Variants in PDE10A observed in about 807,000 individuals in gnomAD.
The protein encoded by PDE10A is phosphodiesterase 10A.
PDE10A carries 39 observed loss-of-function variants against 97.7 expected under a neutral mutation model. That is an observed-to-expected ratio of 0.40 (90% CI 0.31 to 0.52). The LOEUF (loss-of-function observed/expected upper bound fraction) is 0.52. PDE10A is among the 20% of genes least tolerant of loss of function. PDE10A has a pLI of 0.56. For missense variants in PDE10A, 731 were observed against 1,047.8 expected (o/e 0.70, Z 4.17); for synonymous variants, 371 against 376.8 (o/e 0.98, Z 0.18).
intron 1 of PDE10A, among the ~76,000 whole-genome samples, chr6:165,859,226 G>A (rs751541174): frequency 6.6e-6 from 1 of 152,162 alleles, no homozygotes; most frequent in Non-Finnish European, 1.5e-5. Flanking sequence ...CCTCTACCAC[G>A]TGGATTATTT....
At chr6:165,359,324 A>T (rs1404548019) in intron 18 of PDE10A, among the ~76,000 whole-genome samples, 1 of 152,128 alleles carries the variant, frequency 6.6e-6, no homozygotes, top group South Asian at 2.1e-4. Flanking sequence ...TTTATCACAA[A>T]AATGTCCTTA....
chr6:165,452,931 T>C (rs894994373), intron 3 of PDE10A, among the ~76,000 whole-genome samples: 1 of 151,044 alleles, frequency 6.6e-6, no homozygotes, highest in Non-Finnish European at 1.5e-5. Context: ...AGGAAGGGCT[T>C]TACCTTTCTT....
intron 1 of PDE10A, among the ~76,000 whole-genome samples, chr6:165,619,354 G>T (rs1010299197): frequency 7.5e-5 from 11 of 145,696 alleles, no homozygotes; most frequent in Non-Finnish European, 1.5e-5. Context: ...CTAGTGTAGT[G>T]TAGTCTAGTG....
chr6:165,429,503 G>T (rs1789402775), intron 9 of PDE10A, among the ~76,000 whole-genome samples: 2 of 151,946 alleles, frequency 1.3e-5, no homozygotes, highest in African/African-American at 4.8e-5. Flanking sequence ...ACTAATTAAT[G>T]AGCATCAAGA....
At position 165,753,885 on chromosome 6, in the gene PDE10A, T is replaced by C. The variant is rs530859342; in HGVS notation, c.-614-210317A>G. 2.6e-5 allele frequency among the ~76,000 whole-genome samples: 4 copies of C among 152,364 alleles called. No homozygotes were observed. In the East Asian group the frequency reaches 5.8e-4, roughly 22 times the overall value. On this transcript the variant is annotated intron_variant, in intron 1 of 19. Coordinates refer to the PDE10A transcript ENST00000366882. ...TCTTCTACAACCATTTACTTCATTT[T>C]CTTAAATTAGTAAAACTCAAACATG...
chr6:165,957,495 CA>C (rs2128496942), intron 1 of PDE10A, among the ~76,000 whole-genome samples: 1 of 152,096 alleles, frequency 6.6e-6, no homozygotes, highest in Non-Finnish European at 1.5e-5. Context: ...ATACAGAAAA[CA>C]AAAATCCCAA....
At chr6:165,427,042 G>A (rs1349483730) in intron 10 of PDE10A, among the ~76,000 whole-genome samples, 1 of 152,088 alleles carries the variant, frequency 6.6e-6, no homozygotes, top group African/African-American at 2.4e-5. Flanking sequence ...CAACTGCCAT[G>A]GAAAGTTTGG....
chr6:165,580,601 A>G (rs1455380165), intron 1 of PDE10A, among the ~76,000 whole-genome samples: 1 of 152,220 alleles, frequency 6.6e-6, no homozygotes, highest in Non-Finnish European at 1.5e-5. Flanking sequence ...GATATTTTAA[A>G]AACATAACCA....
At chr6:165,713,516 G>A (rs1791953620) in intron 1 of PDE10A, among the ~76,000 whole-genome samples, 1 of 152,230 alleles carries the variant, frequency 6.6e-6, no homozygotes. Flanking sequence ...TACCCCACAA[G>A]ATGCTCAGAA....
At chr6:165,697,907 C>A (rs1791477878) in intron 1 of PDE10A, among the ~76,000 whole-genome samples, 1 of 152,174 alleles carries the variant, frequency 6.6e-6, no homozygotes, top group Non-Finnish European at 1.5e-5. Flanking sequence ...ATTGCAACTA[C>A]AGGAGAAAAG....
intron 1 of PDE10A, among the ~76,000 whole-genome samples, chr6:165,759,783 T>C (rs1224726808): frequency 1.3e-5 from 2 of 152,196 alleles, no homozygotes; most frequent in Non-Finnish European, 2.9e-5. Flanking sequence ...CCCAAAGTAG[T>C]TTACAGGGAG....
intron 1 of PDE10A, among the ~76,000 whole-genome samples, chr6:165,959,407 A>G (rs546710899): frequency 2.6e-5 from 4 of 152,210 alleles, no homozygotes; most frequent in Non-Finnish European, 5.9e-5. Flanking sequence ...GTGAACATAT[A>G]GGAAAAGTCA....
intron 1 of PDE10A, among the ~76,000 whole-genome samples, chr6:165,618,396 A>G (rs925806257): frequency 1.3e-5 from 2 of 152,162 alleles, no homozygotes; most frequent in Non-Finnish European, 2.9e-5. Flanking sequence ...CGGCACATTC[A>G]ATAATCATGA....
At chr6:165,690,363 G>A (rs1266603946) in intron 1 of PDE10A, among the ~76,000 whole-genome samples, 3 of 152,110 alleles carry the variant, frequency 2.0e-5, no homozygotes, top group Non-Finnish European at 4.4e-5. Flanking sequence ...CTTTCTTCTG[G>A]TACATTTCTC....
At chr6:165,628,510 C>A (rs1259224611) in intron 1 of PDE10A, among the ~76,000 whole-genome samples, 1 of 152,132 alleles carries the variant, frequency 6.6e-6, no homozygotes, top group African/African-American at 2.4e-5. Context: ...CATGCCACCA[C>A]ACCCGGCAAT....
At chr6:165,359,306 A>C (rs1268182769) in intron 18 of PDE10A, among the ~76,000 whole-genome samples, 1 of 152,094 alleles carries the variant, frequency 6.6e-6, no homozygotes, top group African/African-American at 2.4e-5. Context: ...ATATTCTTCC[A>C]GCTTTTATTT....
At chr6:165,730,579 C>T (rs139793502) in intron 1 of PDE10A, among the ~76,000 whole-genome samples, 1,513 of 151,128 alleles carry the variant, frequency 0.01, 29 homozygotes, top group African/African-American at 0.035. Context: ...TGGTGAAACC[C>T]GGTCTCCACT....
intron 1 of PDE10A, among the ~76,000 whole-genome samples, chr6:165,681,084 G>T (rs1278498018): frequency 2.0e-5 from 3 of 152,172 alleles, no homozygotes; most frequent in Non-Finnish European, 4.4e-5. Flanking sequence ...ATAGGAGACT[G>T]TCCATCTTAT....
intron 1 of PDE10A, among the ~76,000 whole-genome samples, chr6:165,594,678 G>C (rs1786479699): frequency 6.6e-6 from 1 of 152,186 alleles, no homozygotes; most frequent in East Asian, 1.9e-4. Flanking sequence ...ATACGGTGTT[G>C]AGAAATATTA....
Sources: gnomAD v4.1 joint callset for allele counts (sites outside exome capture counted in the v4.1 genomes callset) on GRCh38, gnomAD v4.1.1 for gene constraint, MANE v1.5 for transcripts, NCBI Gene and HGNC (gene_info 2026-07-23, HGNC 2026-07-21) for gene names.